HCRTR2: variants seen among roughly 807,000 people sequenced by gnomAD.
The protein encoded by HCRTR2 is hypocretin receptor 2.
Under a neutral mutation model 49.0 loss-of-function variants are expected in HCRTR2, and 22 were observed. The observed-to-expected ratio is 0.45, with a 90% CI of 0.32 to 0.64. The LOEUF is 0.64. HCRTR2 is among the 30% of genes least tolerant of loss of function. HCRTR2 has a pLI of 0.04. For synonymous variants in HCRTR2, 236 were observed against 205.3 expected (o/e 1.15, Z -1.28); for missense variants, 491 against 559.4 (o/e 0.88, Z 1.23).
chr6:55,140,321 G>A (rs779766787), intron 1 of HCRTR2, among the ~76,000 whole-genome samples: 9 of 152,104 alleles, frequency 5.9e-5, no homozygotes, highest in Non-Finnish European at 1.3e-4. Context: ...AGGAGTTCTA[G>A]TCTGTCCTTG....
intron 1 of HCRTR2, among the ~76,000 whole-genome samples, chr6:55,215,341 CA>C (rs1765768804): frequency 1.3e-5 from 2 of 152,020 alleles, no homozygotes; most frequent in Admixed American, 1.3e-4. Context: ...GAATTTTCTT[CA>C]AAATGAAGGA....
intron 1 of HCRTR2, among the ~76,000 whole-genome samples, chr6:55,207,983 T>G (rs1361863760): frequency 6.6e-6 from 1 of 152,176 alleles, no homozygotes; most frequent in Non-Finnish European, 1.5e-5. Flanking sequence ...AACTTTTTTG[T>G]TTTAGTATCT....
At chr6:55,239,828 AG>A (rs1766288275) in intron 1 of HCRTR2, among the ~76,000 whole-genome samples, 1 of 127,526 alleles carries the variant, frequency 7.8e-6, no homozygotes, top group African/African-American at 3.1e-5. Context: ...CCCAGGCTGG[AG>A]CACAGTGGCA....
chr6:55,187,980 C>A (rs1462957235), intron 1 of HCRTR2, among the ~76,000 whole-genome samples: 1 of 151,828 alleles, frequency 6.6e-6, no homozygotes, highest in East Asian at 1.9e-4. Flanking sequence ...GACAGGTTTT[C>A]ACCATGTTAG....
chr6:55,204,780 TC>T (rs895533560), intron 1 of HCRTR2, among the ~76,000 whole-genome samples: 2 of 141,772 alleles, frequency 1.4e-5, no homozygotes, highest in Admixed American at 6.9e-5. Context: ...TGCCTTCCCC[TC>T]CCCTCCCCTC....
At chr6:55,281,590 A>T (rs1284537429) in intron 6 of HCRTR2, among the ~76,000 whole-genome samples, 1 of 152,214 alleles carries the variant, frequency 6.6e-6, no homozygotes, top group Non-Finnish European at 1.5e-5. Flanking sequence ...ATGATTCGCA[A>T]TACTGCCATT....
At chr6:55,118,194 C>G (rs533890974) in intron 1 of HCRTR2, among the ~76,000 whole-genome samples, 1 of 151,908 alleles carries the variant, frequency 6.6e-6, no homozygotes, top group African/African-American at 2.4e-5. Flanking sequence ...GGATAATGAC[C>G]TCCAGCTCCA....
intron 1 of HCRTR2, among the ~76,000 whole-genome samples, chr6:55,167,717 G>A (rs535218270): frequency 2.0e-5 from 3 of 152,216 alleles, no homozygotes; most frequent in South Asian, 2.1e-4. Flanking sequence ...GACGATAATG[G>A]ATAGTTTCTA....
chr6:55,249,878 C>A (rs1186517954), intron 2 of HCRTR2, among the ~76,000 whole-genome samples: 1 of 151,974 alleles, frequency 6.6e-6, no homozygotes, highest in Non-Finnish European at 1.5e-5. Flanking sequence ...TTTCCTGCAC[C>A]CTCAGTTTTT....
chr6:55,121,444 T>G (rs1764198010), intron 1 of HCRTR2, among the ~76,000 whole-genome samples: 1 of 152,150 alleles, frequency 6.6e-6, no homozygotes, highest in African/African-American at 2.4e-5. Context: ...ACTTCCTCTT[T>G]TCTTAACTGA....
chr6:55,196,790 A>G (rs948100518), intron 1 of HCRTR2, among the ~76,000 whole-genome samples: 2 of 152,182 alleles, frequency 1.3e-5, no homozygotes, highest in African/African-American at 4.8e-5. Context: ...CTCCTCTTTG[A>G]CATAGTTTAC....
At chr6:55,270,923 T>C (rs914634212) in intron 4 of HCRTR2, among the ~76,000 whole-genome samples, 15 of 152,158 alleles carry the variant, frequency 9.9e-5, no homozygotes, top group African/African-American at 3.6e-4. Context: ...TAAAAGATAT[T>C]CTGTGTTTAT....
chr6:55,121,315 C>T (rs1764196462), intron 1 of HCRTR2, among the ~76,000 whole-genome samples: 1 of 152,012 alleles, frequency 6.6e-6, no homozygotes, highest in Admixed American at 6.6e-5. Context: ...GATTTTTGCA[C>T]ATTGATTTTG....
At chr6:55,155,787 G>T (rs946049309) in intron 1 of HCRTR2, among the ~76,000 whole-genome samples, 1 of 151,896 alleles carries the variant, frequency 6.6e-6, no homozygotes, top group Non-Finnish European at 1.5e-5. Context: ...ATTTAAACTC[G>T]TTGGCTATCT....
chr6:55,131,724 T>C (rs1401302238), intron 1 of HCRTR2, among the ~76,000 whole-genome samples: 1 of 151,826 alleles, frequency 6.6e-6, no homozygotes, highest in Non-Finnish European at 1.5e-5. Context: ...ATAGAATTAA[T>C]CTCATGACAA....
At chr6:55,229,826 C>T (rs1581843398) in intron 1 of HCRTR2, among the ~76,000 whole-genome samples, 3 of 152,194 alleles carry the variant, frequency 2.0e-5, no homozygotes, top group East Asian at 3.9e-4. Context: ...CAACATTGTG[C>T]CTACAGTTAA....
chr6:55,161,218 T>G (rs1764801061), intron 1 of HCRTR2, among the ~76,000 whole-genome samples: 1 of 152,088 alleles, frequency 6.6e-6, no homozygotes, highest in South Asian at 2.1e-4. Context: ...CTGAACAACC[T>G]GCTGCTGAAT....
At chr6:55,150,619 C>T (rs1365444694) in intron 1 of HCRTR2, among the ~76,000 whole-genome samples, 1 of 151,992 alleles carries the variant, frequency 6.6e-6, no homozygotes, top group African/African-American at 2.4e-5. Flanking sequence ...GCTTATTTCC[C>T]TAAGCATAAT....
Position 55,282,395 on chromosome 6 carries a change from C to T in HCRTR2, c.1276C>T (p.Leu426Phe). 2 of 1,613,188 alleles carry T rather than the reference C, an allele frequency of 1.2e-6. No homozygotes were observed. Among genetic ancestry groups the T allele is most frequent in the Non-Finnish European group, 1.7e-6 (2 of 1,179,452 alleles). Residue 426 changes from leucine (L) to phenylalanine (F), a missense_variant, in exon 7 of 7, where the codon CTC becomes TTC. Leu to Phe is a conservative substitution (Grantham distance 22). Coordinates refer to ENST00000370862, the MANE Select transcript of HCRTR2 (RefSeq NM_001384272.1). ...ATCAAAACTTTCTGAGCAAGTTGTG[C>T]TCACTAGCATAAGCACACTCCCAGC... ...NISKLSEQVVLTSISTLPAAN... is the reference protein window; with the variant it reads ...NISKLSEQVVFTSISTLPAAN...
Sources: gnomAD v4.1 joint callset for allele counts (sites outside exome capture counted in the v4.1 genomes callset) on GRCh38, gnomAD v4.1.1 for gene constraint, MANE v1.5 for transcripts, NCBI Gene and HGNC (gene_info 2026-07-23, HGNC 2026-07-21) for gene names.